ZSWIM5: variants seen among roughly 807,000 people sequenced by gnomAD.
The protein encoded by ZSWIM5 is zinc finger SWIM domain-containing protein 5.
In ZSWIM5, 55 loss-of-function variants were observed where a neutral mutation model predicts 119.6. That is an observed-to-expected ratio of 0.46 (90% CI 0.37 to 0.58). ZSWIM5 has a LOEUF of 0.58. Among genes scored for constraint, ZSWIM5 ranks in the 20% least tolerant of loss-of-function variants. ZSWIM5 has a pLI of 0.00. For synonymous variants in ZSWIM5, 537 were observed against 606.9 expected, an observed-to-expected ratio of 0.88 and a Z score of 1.69; for missense variants, 1,193 against 1,512.8, an observed-to-expected ratio of 0.79 and a Z score of 3.51.
At chr1:45,077,534 G>C (rs554891208) in intron 2 of ZSWIM5, among the ~76,000 whole-genome samples, 1 of 152,304 alleles carries the variant, frequency 6.6e-6, no homozygotes, top group South Asian at 2.1e-4. Flanking sequence ...CGAGATCACA[G>C]GACCACAGGA....
chr1:45,129,817 T>C (rs962269114), intron 1 of ZSWIM5, among the ~76,000 whole-genome samples: 3 of 152,070 alleles, frequency 2.0e-5, no homozygotes, highest in Non-Finnish European at 2.9e-5. Flanking sequence ...GTTATAAAAG[T>C]TTTAGAAGAA....
chr1:45,039,425 G>A (rs1288854610), intron 7 of ZSWIM5, among the ~76,000 whole-genome samples: 4 of 152,154 alleles, frequency 2.6e-5, no homozygotes, highest in East Asian at 1.9e-4. Context: ...TCGCTCTATC[G>A]CCCAGGCCAG....
At chr1:45,082,629 A>G (rs1416817227) in intron 2 of ZSWIM5, among the ~76,000 whole-genome samples, 1 of 152,240 alleles carries the variant, frequency 6.6e-6, no homozygotes, top group Non-Finnish European at 1.5e-5. Flanking sequence ...GAAATAGATC[A>G]GGAAAGAGCC....
chr1:45,099,325 T>C (rs1299647791), intron 1 of ZSWIM5, among the ~76,000 whole-genome samples: 1 of 152,098 alleles, frequency 6.6e-6, no homozygotes, highest in Non-Finnish European at 1.5e-5. Flanking sequence ...CCTGGACACA[T>C]ACACCTTCCC....
At chr1:45,131,336 CAT>C (rs1413901530) in intron 1 of ZSWIM5, among the ~76,000 whole-genome samples, 6 of 152,046 alleles carry the variant, frequency 3.9e-5, no homozygotes, top group African/African-American at 1.4e-4. Context: ...TAATAAAAAA[CAT>C]ATAATGCTTA....
At chr1:45,031,169 A>ATTTTTTTTTTTTTTTTTT (rs34390567) in intron 11 of ZSWIM5, among the ~76,000 whole-genome samples, 3 of 61,746 alleles carry the variant, frequency 4.9e-5, no homozygotes, top group South Asian at 7.0e-4. Context: ...TTTTGCTCTG[A>ATTTTTTTTTTTTTTTTTT]TTTTTTTTTT....
At chr1:45,070,122 A>T in intron 2 of ZSWIM5, 1 of 1,046,342 alleles carries the variant, frequency 9.6e-7, no homozygotes. Context: ...TCAGTCCAGG[A>T]TTATGAAACC....
rs10700834 is a variant in ZSWIM5, at chr1:45,041,541, C to CT, written c.1610-1004dup. Among the ~76,000 whole-genome samples the CT allele has an allele frequency of 9.3e-3, 1,339 of 144,448 alleles. 18 individuals are homozygous for CT. Among genetic ancestry groups the CT allele is most frequent in the African/African-American group, 0.022 (869 of 39,298 alleles). The allele number at this position is 144,448 out of a possible 152,430, so 94.8% of individuals were successfully genotyped here. ...ATATTTACTCACACTTTTCTAGTAA[C>CT]TTTTTTTTTTTTTTAGATGGAGTCT... On this transcript the variant is annotated intron_variant, in intron 6 of 13. Transcript: ENST00000359600.
At chr1:45,086,079 G>A (rs1050384596) in intron 2 of ZSWIM5, among the ~76,000 whole-genome samples, 1 of 152,202 alleles carries the variant, frequency 6.6e-6, no homozygotes, top group Non-Finnish European at 1.5e-5. Flanking sequence ...CATGGCTTGG[G>A]AGGCCTCAGG....
chr1:45,149,175 G>A (rs907899965), intron 1 of ZSWIM5, among the ~76,000 whole-genome samples: 1 of 152,056 alleles, frequency 6.6e-6, no homozygotes, highest in Non-Finnish European at 1.5e-5. Flanking sequence ...AAAGCAGGAG[G>A]GCTGCTTGAG....
At chr1:45,197,529 T>C (rs1053696106) in intron 1 of ZSWIM5, among the ~76,000 whole-genome samples, 6 of 152,232 alleles carry the variant, frequency 3.9e-5, no homozygotes, top group African/African-American at 1.4e-4. Flanking sequence ...TATACAACAA[T>C]TTCCTTATCC....
rs368342062 is a variant in ZSWIM5, at chr1:45,043,493, T to C, written c.1433-98A>G. 106 of 1,191,462 alleles carry C rather than the reference T, an allele frequency of 8.9e-5. No individual in the cohort carries two copies. In the East Asian group the frequency reaches 1.8e-3, roughly 20 times the overall value. 73.8% of individuals were successfully genotyped at this position (1,191,462 alleles called of 1,614,324 possible). On this transcript the variant is annotated intron_variant, in intron 5 of 13. Coordinates refer to ENST00000359600, the MANE Select transcript of ZSWIM5 (RefSeq NM_020883.2). Reference sequence around the variant, plus strand: ...GTGGGAGGTTGGCTGAATAATAGTATTTTAAAAGAATAACTCTGGCAGCAG... The same window carrying C: ...GTGGGAGGTTGGCTGAATAATAGTACTTTAAAAGAATAACTCTGGCAGCAG...
chr1:45,056,780 C>A (rs999229539), intron 4 of ZSWIM5, among the ~76,000 whole-genome samples: 3 of 152,144 alleles, frequency 2.0e-5, no homozygotes, highest in Non-Finnish European at 4.4e-5. Flanking sequence ...CCTTTCATGA[C>A]AGCAGAGATA....
chr1:45,034,039 G>A (rs1432837924), intron 11 of ZSWIM5, among the ~76,000 whole-genome samples: 1 of 152,148 alleles, frequency 6.6e-6, no homozygotes, highest in Non-Finnish European at 1.5e-5. Flanking sequence ...ATTTTTAGTA[G>A]AGATGGGGTT....
At position 45,036,103 on chromosome 1, in the gene ZSWIM5, T is replaced by C; in HGVS notation, c.2091A>G (p.Gln697=). 6.2e-7 allele frequency: 1 copy of C among 1,614,208 alleles called. No homozygotes were observed. The highest frequency in any genetic ancestry group is 8.5e-7 in the Non-Finnish European group (1 of 1,180,034). ...CTAGCTCATCGTCCAGCTGCAGCTCTTGGAGTTGGCTCAGGAGCTGCTCCT... is the reference window on the plus strand; with the variant it reads ...CTAGCTCATCGTCCAGCTGCAGCTCCTGGAGTTGGCTCAGGAGCTGCTCCT... The part of the protein sequence containing the change: ...RNEEQLLSQL[Q]ELQLDDELVQ... Residue 697 remains glutamine (Q), a synonymous_variant, in exon 9 of 14, where the codon CAA becomes CAG. Transcript: ENST00000359600.
At chr1:45,081,217 T>G (rs1326258260) in intron 2 of ZSWIM5, among the ~76,000 whole-genome samples, 1 of 151,542 alleles carries the variant, frequency 6.6e-6, no homozygotes, top group Non-Finnish European at 1.5e-5. Context: ...TATTCAACTG[T>G]TTATCAGAAA....
At chr1:45,180,107 G>A (rs1646006657) in intron 1 of ZSWIM5, among the ~76,000 whole-genome samples, 1 of 152,176 alleles carries the variant, frequency 6.6e-6, no homozygotes, top group Admixed American at 6.5e-5. Context: ...AGCGCACTGT[G>A]CGCCAGCCGA....
chr1:45,058,792 T>C (rs765711638), intron 3 of ZSWIM5, 33 bp from the exon 4 acceptor site: 3 of 1,611,646 alleles, frequency 1.9e-6, no homozygotes, highest in Non-Finnish European at 2.5e-6. Context: ...GGATTGGTGA[T>C]TGTGTATCAC....
chr1:45,123,716 C>T (rs959068299), intron 1 of ZSWIM5, among the ~76,000 whole-genome samples: 1 of 151,992 alleles, frequency 6.6e-6, no homozygotes, highest in Non-Finnish European at 1.5e-5. Context: ...TGAAAACTCC[C>T]CAAATTTGGC....
Sources: gnomAD v4.1 joint callset for allele counts (sites outside exome capture counted in the v4.1 genomes callset) on GRCh38, gnomAD v4.1.1 for gene constraint, MANE v1.5 for transcripts, NCBI Gene and HGNC (gene_info 2026-07-23, HGNC 2026-07-21) for gene names.